The following MED12L variants were observed in gnomAD, a reference collection of about 807,000 sequenced individuals.
The protein encoded by MED12L is mediator complex subunit 12L.
Under a neutral mutation model 281.3 loss-of-function variants are expected in MED12L, and 60 were observed. The observed-to-expected ratio is 0.21, with a 90% CI of 0.17 to 0.26. MED12L has a LOEUF of 0.26. MED12L is among the 10% of genes least tolerant of loss of function. The pLI is 1.00. For synonymous variants in MED12L, 974 were observed against 987.2 expected (o/e 0.99, Z 0.25); for missense variants, 2,146 against 2,680.9 (o/e 0.80, Z 4.41).
intron 16 of MED12L, among the ~76,000 whole-genome samples, chr3:151,197,528 G>C (rs1724843193): frequency 6.6e-6 from 1 of 152,136 alleles, no homozygotes; most frequent in Non-Finnish European, 1.5e-5. Context: ...GAGTAGCTCG[G>C]CCTGTGCTAC....
chr3:151,334,358 AGTGAACAGTGATCAGAT>A (rs1750724062), intron 16 of MED12L, among the ~76,000 whole-genome samples: 1 of 151,672 alleles, frequency 6.6e-6, no homozygotes, highest in Admixed American at 6.6e-5. Context: ...GAGTGTTGGC[AGTGAACAGTGATCAGAT>A]GTCTTCAGTG....
chr3:151,424,603 T>C (rs985274207), intron 43 of MED12L, among the ~76,000 whole-genome samples: 2 of 147,824 alleles, frequency 1.4e-5, no homozygotes, highest in Non-Finnish European at 3.0e-5. Context: ...CCTGGACGAC[T>C]GAGCAAAACT....
In MED12L at chr3:151,357,391, T is replaced by C. The variant is rs1754059990; in HGVS notation, c.2825+15T>C. The C allele has an allele frequency of 1.9e-6, 3 of 1,546,698 alleles. No individual in the cohort carries two copies. The highest frequency in any genetic ancestry group is 2.6e-6 in the Non-Finnish European group (3 of 1,145,374). Reference sequence around the variant, plus strand: ...GTGTTTGAAGGGTTGGTATATAGCATGTCATTGTTGTTTTTCCAATCTCAG... The same window carrying C: ...GTGTTTGAAGGGTTGGTATATAGCACGTCATTGTTGTTTTTCCAATCTCAG... On this transcript the variant is annotated intron_variant, in intron 20 of 44. Transcript: ENST00000687756.
At chr3:151,239,411 A>T (rs1008330775) in intron 16 of MED12L, among the ~76,000 whole-genome samples, 1 of 152,186 alleles carries the variant, frequency 6.6e-6, no homozygotes, top group Non-Finnish European at 1.5e-5. Flanking sequence ...TCTTCAACAT[A>T]CTTTTAACCT....
intron 40 of MED12L, among the ~76,000 whole-genome samples, chr3:151,410,754 T>A (rs1299025273): frequency 6.6e-6 from 1 of 152,244 alleles, no homozygotes; most frequent in East Asian, 1.9e-4. Context: ...TAATAGTTTT[T>A]TGTTATTGTT....
chr3:151,127,847 A>T lies in MED12L; in HGVS notation c.419A>T (p.Glu140Val). Reference sequence around the variant, plus strand: ...TAGGTTCCTATCCTTAGTAAAAAAGAGGATGTTTTTGCATATTTAGCTAAA... The same window carrying T: ...TAGGTTCCTATCCTTAGTAAAAAAGTGGATGTTTTTGCATATTTAGCTAAA... ...AKKVPILSKK[E>V]DVFAYLAKYS... The change falls in exon 5 of 45, where the codon GAG becomes GTG. Residue 140 changes from glutamate (E) to valine (V), a missense_variant. By Grantham distance (121) the Glu-to-Val change is moderately radical. This residue lies in a region of MED12L where 722 missense variants were observed against 861.2 expected (regional missense o/e 0.84). Transcript: ENST00000687756. The T allele has an allele frequency of 1.2e-6, 2 of 1,611,108 alleles. No homozygotes were observed. Among genetic ancestry groups the T allele is most frequent in the Non-Finnish European group, 1.7e-6 (2 of 1,177,512 alleles).
chr3:151,369,217 T>C (rs1321644185), intron 25 of MED12L, among the ~76,000 whole-genome samples: 3 of 152,150 alleles, frequency 2.0e-5, no homozygotes, highest in African/African-American at 7.2e-5. Flanking sequence ...TTGATGTAGC[T>C]CTCTGAGGAG....
intron 43 of MED12L, among the ~76,000 whole-genome samples, chr3:151,429,164 G>A (rs1245033181): frequency 2.0e-5 from 3 of 152,234 alleles, no homozygotes; most frequent in Non-Finnish European, 4.4e-5. Context: ...AACCTTCCCG[G>A]TGTGGGGCGT....
intron 2 of MED12L, among the ~76,000 whole-genome samples, chr3:151,103,191 G>C (rs190150066): frequency 8.3e-6 from 1 of 120,604 alleles, no homozygotes; most frequent in East Asian, 2.5e-4. Flanking sequence ...TCTGCTTTAT[G>C]AATATGCAAA....
chr3:151,157,236 A>AT (rs981395536), intron 6 of MED12L, among the ~76,000 whole-genome samples: 199 of 146,784 alleles, frequency 1.4e-3, no homozygotes, highest in South Asian at 9.0e-3. Flanking sequence ...TGAAATTAGA[A>AT]TTTTTTTTTT....
At chr3:151,379,495 T>C (rs2108100977) in intron 31 of MED12L, among the ~76,000 whole-genome samples, 1 of 152,362 alleles carries the variant, frequency 6.6e-6, no homozygotes, top group Non-Finnish European at 1.5e-5. Context: ...GACACCTCTT[T>C]ACCAGTGGAT....
intron 42 of MED12L, 117 bp from the exon 43 acceptor site, chr3:151,416,192 AGGT>A: frequency 2.6e-6 from 4 of 1,539,978 alleles, no homozygotes; most frequent in Non-Finnish European, 3.6e-6. Flanking sequence ...TGCAGCAGGC[AGGT>A]ATATATTGTT....
intron 39 of MED12L, among the ~76,000 whole-genome samples, chr3:151,408,694 T>C (rs960230685): frequency 6.6e-6 from 1 of 152,246 alleles, no homozygotes. Context: ...GAATTATGTT[T>C]GCCATTAACT....
At chr3:151,307,533 CTGTGTGTGTGTGTGTGTGTGTGTGTGTG>C (rs67391329) in intron 16 of MED12L, among the ~76,000 whole-genome samples, 10 of 137,800 alleles carry the variant, frequency 7.3e-5, no homozygotes, top group African/African-American at 2.0e-4. Context: ...GTAACTTGCT[CTGTGTGTGTGTGTGTGTGTGTGTGTGTG>C]TGTGTGTGTG....
At chr3:151,313,493 C>T (rs1435961643) in intron 16 of MED12L, among the ~76,000 whole-genome samples, 1 of 151,764 alleles carries the variant, frequency 6.6e-6, no homozygotes. Flanking sequence ...TCAGTTTGCT[C>T]AGCTGTAAAA....
chr3:151,313,111 C>T (rs148080113), intron 16 of MED12L, among the ~76,000 whole-genome samples: 158 of 152,278 alleles, frequency 1.0e-3, no homozygotes, highest in African/African-American at 3.4e-3. Context: ...ATTAACACCA[C>T]TAATGAGGGG....
intron 27 of MED12L, among the ~76,000 whole-genome samples, chr3:151,373,258 T>A (rs903419386): frequency 5.3e-5 from 8 of 152,186 alleles, no homozygotes; most frequent in African/African-American, 1.7e-4. Flanking sequence ...CTGGCCAAGA[T>A]ACTACAGAAA....
chr3:151,222,735 G>A (rs1175439359), intron 16 of MED12L, among the ~76,000 whole-genome samples: 4 of 152,178 alleles, frequency 2.6e-5, no homozygotes, highest in African/African-American at 9.7e-5. Context: ...ATGATATGCT[G>A]CTGGTCCATG....
At chr3:151,185,524 A>T in intron 12 of MED12L, 63 bp downstream of exon 12, 1 of 1,566,690 alleles carries the variant, frequency 6.4e-7, no homozygotes, top group Non-Finnish European at 8.7e-7. Flanking sequence ...TTTGGGGAAG[A>T]TCATTTTCTC....
Sources: gnomAD v4.1 joint callset for allele counts (sites outside exome capture counted in the v4.1 genomes callset) on GRCh38, gnomAD v4.1.1 for gene constraint, gnomAD v4.1.1 regional missense constraint, MANE v1.5 for transcripts, NCBI Gene and HGNC (gene_info 2026-07-23, HGNC 2026-07-21) for gene names.